CAMTA1: variants seen among roughly 807,000 people sequenced by gnomAD.
CAMTA1 encodes calmodulin binding transcription activator 1.
CAMTA1 carries 27 observed loss-of-function variants against 170.9 expected under a neutral mutation model. The ratio of observed to expected loss-of-function variants is 0.16; its 90% CI spans 0.12 to 0.22. The LOEUF is 0.22. Ranked by LOEUF, CAMTA1 falls within the 10% of genes least tolerant of loss-of-function variation. The pLI is 1.00. For missense variants in CAMTA1, 1,619 were observed against 2,217.2 expected (o/e 0.73, Z 5.42); for synonymous variants, 833 against 891.5 (o/e 0.93, Z 1.17).
At chr1:6,947,188 C>T (rs770378101) in intron 3 of CAMTA1, among the ~76,000 whole-genome samples, 7 of 152,112 alleles carry the variant, frequency 4.6e-5, no homozygotes, top group African/African-American at 1.4e-4. Flanking sequence ...CCCTTATGCC[C>T]GTACCACACT....
At chr1:7,062,657 G>A (rs1459174666) in intron 3 of CAMTA1, among the ~76,000 whole-genome samples, 3 of 69,210 alleles carry the variant, frequency 4.3e-5, no homozygotes, top group African/African-American at 3.2e-4. Context: ...CAGGGCGTTC[G>A]TTTACTGCCG....
intron 3 of CAMTA1, among the ~76,000 whole-genome samples, chr1:6,847,300 A>G (rs867940536): frequency 6.6e-6 from 1 of 151,988 alleles, no homozygotes; most frequent in Non-Finnish European, 1.5e-5. Context: ...AGATGATTAG[A>G]AAGTTTGCTA....
At chr1:7,481,855 C>G (rs1211952498) in intron 6 of CAMTA1, among the ~76,000 whole-genome samples, 4 of 149,188 alleles carry the variant, frequency 2.7e-5, no homozygotes. Context: ...CAATTGAATG[C>G]ATACATGTTA....
At chr1:7,643,772 G>A (rs912828611) in intron 7 of CAMTA1, among the ~76,000 whole-genome samples, 2 of 152,196 alleles carry the variant, frequency 1.3e-5, no homozygotes, top group African/African-American at 2.4e-5. Flanking sequence ...TCCTTGGCTC[G>A]GGCGTGCGTG....
intron 6 of CAMTA1, among the ~76,000 whole-genome samples, chr1:7,615,359 A>G (rs758554877): frequency 6.6e-6 from 1 of 152,216 alleles, no homozygotes; most frequent in African/African-American, 2.4e-5. Context: ...GGAGACAAAC[A>G]GGAAGTATAT....
At chr1:7,081,360 C>A (rs369182711) in intron 3 of CAMTA1, among the ~76,000 whole-genome samples, 1 of 152,088 alleles carries the variant, frequency 6.6e-6, no homozygotes, top group Non-Finnish European at 1.5e-5. Flanking sequence ...TGTACAGGGT[C>A]CAGCTTCAGT....
Position 7,582,359 on chromosome 1 carries a change from TCACC to T in CAMTA1, c.511-58035_511-58032del, listed in dbSNP as rs137888271. Among the ~76,000 whole-genome samples the T allele has an allele frequency of 4.5e-3, 692 of 152,282 alleles. 10 individuals carry two copies. The highest frequency in any genetic ancestry group is 0.016 in the African/African-American group (666 of 41,564). On this transcript the variant is annotated intron_variant, in intron 6 of 22. Transcript: ENST00000303635. ...CTCCTGAGGGCCTCAGTGCCCTGAT[TCACC>T]CACCCCCTACCCTGCATCCTTGGGT...
intron 4 of CAMTA1, among the ~76,000 whole-genome samples, chr1:7,153,983 C>T (rs145013768): frequency 2.6e-5 from 4 of 152,306 alleles, no homozygotes; most frequent in Middle Eastern, 3.4e-3. Flanking sequence ...TGGGCACAGC[C>T]ATCTCCCTTT....
intron 5 of CAMTA1, among the ~76,000 whole-genome samples, chr1:7,420,280 A>C (rs2091471396): frequency 1.4e-5 from 2 of 142,372 alleles, no homozygotes; most frequent in African/African-American, 4.9e-5. Flanking sequence ...GAGTTCCATC[A>C]CCCCAGCGGA....
intron 3 of CAMTA1, chr1:6,871,925 C>A: frequency 7.5e-7 from 1 of 1,334,948 alleles, no homozygotes; most frequent in Non-Finnish European, 9.6e-7. Context: ...GTGTAACACG[C>A]TGATTTCCTC....
intron 5 of CAMTA1, among the ~76,000 whole-genome samples, chr1:7,434,328 G>A (rs561677852): frequency 3.0e-4 from 46 of 152,304 alleles, no homozygotes; most frequent in Admixed American, 7.2e-4. Context: ...CCTCAGCCCC[G>A]AACACTGCAC....
At chr1:6,978,196 T>A (rs1693792646) in intron 3 of CAMTA1, among the ~76,000 whole-genome samples, 2 of 152,214 alleles carry the variant, frequency 1.3e-5, no homozygotes, top group South Asian at 4.1e-4. Flanking sequence ...ATAACTTAAT[T>A]GTACATTTGA....
At chr1:7,396,930 C>A (rs1450154640) in intron 5 of CAMTA1, among the ~76,000 whole-genome samples, 4 of 152,146 alleles carry the variant, frequency 2.6e-5, no homozygotes, top group Non-Finnish European at 5.9e-5. Context: ...CATCTGTTTT[C>A]ATCATGTAGA....
chr1:7,180,573 G>A (rs1487259300), intron 4 of CAMTA1, among the ~76,000 whole-genome samples: 1 of 148,846 alleles, frequency 6.7e-6, no homozygotes, highest in Non-Finnish European at 1.5e-5. Flanking sequence ...AAGTGCAGGG[G>A]TGTAATAACG....
At chr1:6,992,243 A>G (rs751273578) in intron 3 of CAMTA1, among the ~76,000 whole-genome samples, 22 of 149,776 alleles carry the variant, frequency 1.5e-4, no homozygotes, top group Non-Finnish European at 2.5e-4. Context: ...TAATTTTTGT[A>G]TTTATTTTTG....
At chr1:6,881,976 A>G (rs1247335356) in intron 3 of CAMTA1, among the ~76,000 whole-genome samples, 2 of 152,156 alleles carry the variant, frequency 1.3e-5, no homozygotes, top group Admixed American at 1.3e-4. Flanking sequence ...CAAAAAAATA[A>G]AAGTAAAATA....
intron 4 of CAMTA1, among the ~76,000 whole-genome samples, chr1:7,187,610 A>G (rs1653643318): frequency 6.6e-6 from 1 of 152,234 alleles, no homozygotes; most frequent in African/African-American, 2.4e-5. Flanking sequence ...AAAAATGAAT[A>G]TAATATTTTT....
chr1:6,871,061 G>T (rs548732744), intron 3 of CAMTA1, among the ~76,000 whole-genome samples: 1 of 152,158 alleles, frequency 6.6e-6, no homozygotes, highest in African/African-American at 2.4e-5. Flanking sequence ...AATGGGAAAA[G>T]TGAGTAAATA....
intron 3 of CAMTA1, among the ~76,000 whole-genome samples, chr1:6,921,808 G>A (rs1682075959): frequency 6.6e-6 from 1 of 152,164 alleles, no homozygotes; most frequent in Admixed American, 6.5e-5. Context: ...TATAAGAACA[G>A]CATGAGAAAG....
Sources: allele counts gnomAD v4.1 joint callset (sites outside exome capture counted in the v4.1 genomes callset), GRCh38; gene constraint gnomAD v4.1.1; transcripts MANE v1.5; gene names NCBI Gene and HGNC (gene_info 2026-07-23, HGNC 2026-07-21).